Variants in CDH23 observed in about 807,000 individuals in gnomAD.
CDH23 encodes the protein cadherin related 23.
CDH23 carries 189 observed loss-of-function variants against 317.1 expected under a neutral mutation model. The ratio of observed to expected loss-of-function variants is 0.60; its 90% CI spans 0.53 to 0.67. The LOEUF (loss-of-function observed/expected upper bound fraction) is 0.67. Ranked by LOEUF, CDH23 falls within the 30% of genes least tolerant of loss-of-function variation. The pLI is 0.00. For synonymous variants in CDH23, 1,839 were observed against 1,876.8 expected, an observed-to-expected ratio of 0.98 and a Z score of 0.52; for missense variants, 4,401 against 4,592.4, an observed-to-expected ratio of 0.96 and a Z score of 1.20.
intron 6 of CDH23, among the ~76,000 whole-genome samples, chr10:71,527,328 A>T (rs1033448071): frequency 3.3e-5 from 5 of 152,200 alleles, no homozygotes; most frequent in Admixed American, 3.3e-4. Context: ...ATCATGAGCA[A>T]ATCAGCCACA....
At position 71,702,616 on chromosome 10, in the gene CDH23, C is replaced by T. The variant is rs1163902741; in HGVS notation, c.2655C>T (p.Asp885=). 1 of 1,614,022 alleles carries T rather than the reference C, an allele frequency of 6.2e-7. No individual in the cohort carries two copies. The highest frequency in any genetic ancestry group is 8.5e-7 in the Non-Finnish European group (1 of 1,179,896). The change falls in exon 24 of 70, where the codon GAC becomes GAT. Residue 885 remains aspartate (D), a synonymous_variant. Transcript: ENST00000224721. ...TVFVNLLDLN[D]NDPTFQNLPF... is the part of the protein sequence containing the mutation. The stretch of plus-strand genomic sequence containing the variant: ...TTGTGAACCTCTTGGATCTCAATGA[C>T]AATGACCCCACCTTTCAGAACCTGC...
chr10:71,591,138 C>T (rs1260005962), intron 9 of CDH23, among the ~76,000 whole-genome samples: 1 of 152,056 alleles, frequency 6.6e-6, no homozygotes, highest in Non-Finnish European at 1.5e-5. Flanking sequence ...GCGGCTGGTG[C>T]TGTCAGTAAG....
chr10:71,773,974 T>C (rs144874197), intron 38 of CDH23, among the ~76,000 whole-genome samples: 14 of 151,512 alleles, frequency 9.2e-5, no homozygotes, highest in Admixed American at 6.6e-5. Context: ...AAATCTGACA[T>C]TGTGAAGAGC....
chr10:71,804,082 C>A (rs7896487), intron 55 of CDH23, among the ~76,000 whole-genome samples: 136,751 of 152,090 alleles, frequency 0.9, 61,634 homozygotes, highest in African/African-American at 0.95. Context: ...GTTTTCTGTA[C>A]GTCTATTTTT....
chr10:71,479,614 G>A (rs1033806074), intron 3 of CDH23, among the ~76,000 whole-genome samples: 1 of 152,168 alleles, frequency 6.6e-6, no homozygotes, highest in African/African-American at 2.4e-5. Context: ...TTCTTCAAAA[G>A]GTAACGTGCT....
At chr10:71,676,260 C>T (rs1051646689) in intron 15 of CDH23, among the ~76,000 whole-genome samples, 49 of 152,062 alleles carry the variant, frequency 3.2e-4, no homozygotes, top group African/African-American at 9.9e-4. Flanking sequence ...CTGGGAAGCC[C>T]GGTGGAGTGA....
chr10:71,715,749 G>C, intron 28 of CDH23: 1 of 490,596 alleles, frequency 2.0e-6, no homozygotes, highest in Non-Finnish European at 3.5e-6. Flanking sequence ...AGAGAGGAAG[G>C]TGCTCTTCTG....
At position 71,594,238 on chromosome 10, in the gene CDH23, A is replaced by C. The variant is rs1480829991; in HGVS notation, c.832+16246A>C. 2.0e-5 allele frequency among the ~76,000 whole-genome samples: 3 copies of C among 152,188 alleles called. No homozygotes were observed. The East Asian group carries it at 5.8e-4, about 29-fold the overall frequency. On this transcript the variant is annotated intron_variant, in intron 9 of 69. Coordinates refer to ENST00000224721, the MANE Select transcript of CDH23 (RefSeq NM_022124.6). The stretch of plus-strand genomic sequence containing the variant: ...TCATTAGCAGGACTGTAGTATAAAA[A>C]ATTGTGCTCAATTATTATTATATTT...
chr10:71,576,189 C>A (rs1858185290), intron 8 of CDH23, among the ~76,000 whole-genome samples: 1 of 152,228 alleles, frequency 6.6e-6, no homozygotes, highest in South Asian at 2.1e-4. Context: ...CGTGTCTCCC[C>A]CTGAGGATCA....
chr10:71,648,752 G>T (rs1428769964), intron 14 of CDH23, among the ~76,000 whole-genome samples: 1 of 152,144 alleles, frequency 6.6e-6, no homozygotes, highest in African/African-American at 2.4e-5. Flanking sequence ...CCTGAGCTCA[G>T]CCTCCTCTGT....
intron 30 of CDH23, 138 bp downstream of exon 30, chr10:71,725,658 G>A: frequency 9.5e-7 from 1 of 1,049,140 alleles, no homozygotes; most frequent in Non-Finnish European, 1.3e-6. Flanking sequence ...CTGGGCCTAA[G>A]GGTTCGGTGA....
chr10:71,779,943 A>C (rs1186186710), intron 41 of CDH23, among the ~76,000 whole-genome samples: 2 of 152,164 alleles, frequency 1.3e-5, no homozygotes, highest in Non-Finnish European at 2.9e-5. Flanking sequence ...ATTTTCACTC[A>C]TTACTATAGA....
In CDH23 at chr10:71,805,788, T is replaced by C. The variant is rs771945780; in HGVS notation, c.7873-18T>C. ...TCTTTCAGGGGTCCAGGAGCCTTCC[T>C]CCCCATGCTCCCCACAGGAGATCCC... On this transcript the variant is annotated intron_variant, in intron 55 of 69. Transcript: ENST00000224721. 6.2e-6 allele frequency: 10 copies of C among 1,602,714 alleles called. No individual in the cohort carries two copies. Among genetic ancestry groups the C allele is most frequent in the African/African-American group, 1.3e-5 (1 of 74,660 alleles).
intron 11 of CDH23, among the ~76,000 whole-genome samples, chr10:71,635,005 T>C (rs548830374): frequency 6.6e-6 from 1 of 152,354 alleles, no homozygotes; most frequent in South Asian, 2.1e-4. Flanking sequence ...ACAGCAAGGC[T>C]GAGCTATGAA....
At position 71,679,430 on chromosome 10, in the gene CDH23, G is replaced by A. The variant is rs771788784; in HGVS notation, c.1796G>A (p.Ser599Asn). 3 of 1,613,654 alleles carry A rather than the reference G, an allele frequency of 1.9e-6. No homozygotes were observed. The highest frequency in any genetic ancestry group is 1.7e-5 in the Admixed American group (1 of 59,988). The part of the protein sequence containing the change: ...DSPPNNQITY[S>N]IVSASAFGSY... ...CCTCCCAACAACCAGATCACCTACA[G>A]CATTGTCAGTGCATCTGCCTTTGGC... is the stretch of plus-strand genomic sequence containing the variant. The change falls in exon 17 of 70, where the codon AGC (serine) becomes AAC (asparagine). Residue 599 changes from serine (S) to asparagine (N), a missense_variant. Ser to Asn is a conservative substitution (Grantham distance 46). Transcript: ENST00000224721.
At chr10:71,494,250 A>C (rs942456517) in intron 3 of CDH23, among the ~76,000 whole-genome samples, 24 of 152,124 alleles carry the variant, frequency 1.6e-4, no homozygotes, top group African/African-American at 5.8e-4. Flanking sequence ...ATGAGCTTGA[A>C]ATTTAGTGCA....
At chr10:71,460,378 G>T (rs1850919110) in intron 3 of CDH23, among the ~76,000 whole-genome samples, 1 of 152,370 alleles carries the variant, frequency 6.6e-6, no homozygotes, top group Middle Eastern at 3.4e-3. Context: ...CACCGCCTGT[G>T]GGCCCTCCTT....
At chr10:71,670,915 G>GCCTGGAGCACAGTTGAGGTGCTCA in intron 14 of CDH23, among the ~76,000 whole-genome samples, 1 of 151,756 alleles carries the variant, frequency 6.6e-6, no homozygotes, top group South Asian at 2.1e-4. Context: ...AGAGGGAGGA[G>GCCTGGAGCACAGTTGAGGTGCTCA]CCTGGAGCAC....
intron 3 of CDH23, among the ~76,000 whole-genome samples, chr10:71,506,978 C>A (rs372380797): frequency 2.6e-5 from 4 of 152,198 alleles, no homozygotes; most frequent in South Asian, 2.1e-4. Flanking sequence ...CCAGCGCCCC[C>A]CTTCTTGGGA....
Sources: allele counts gnomAD v4.1 joint callset (sites outside exome capture counted in the v4.1 genomes callset), GRCh38; gene constraint gnomAD v4.1.1; transcripts MANE v1.5; gene names NCBI Gene and HGNC (gene_info 2026-07-23, HGNC 2026-07-21).